Variants in ATXN1 observed in about 807,000 individuals in gnomAD.
ATXN1 encodes ataxin-1.
In ATXN1, 8 loss-of-function variants were observed where a neutral mutation model predicts 56.4. That is an observed-to-expected ratio of 0.14 (90% CI 0.08 to 0.26). The LOEUF (loss-of-function observed/expected upper bound fraction) is 0.26, where lower values mean the gene tolerates loss of function less well. ATXN1 is among the 10% of genes least tolerant of loss of function. The pLI is 1.00. For missense variants in ATXN1, 987 were observed against 1,106.5 expected (o/e 0.89, Z 1.53); for synonymous variants, 514 against 494.6 (o/e 1.04, Z -0.52).
chr6:16,440,648 A>AAAAAAAAAAAAGAAAGAAAG (rs748929817), intron 6 of ATXN1, among the ~76,000 whole-genome samples: 1 of 118,548 alleles, frequency 8.4e-6, no homozygotes, highest in East Asian at 2.6e-4. Context: ...CTTAAAAAAA[A>AAAAAAAAAAAAGAAAGAAAG]AAAAGAAAAG....
At chr6:16,331,409 A>G (rs1760988692) in intron 6 of ATXN1, among the ~76,000 whole-genome samples, 2 of 152,350 alleles carry the variant, frequency 1.3e-5, no homozygotes, top group South Asian at 4.1e-4. Flanking sequence ...ACTCACTCTT[A>G]AGAAAGGGAA....
chr6:16,549,642 A>AATC (rs1484111829), intron 4 of ATXN1, among the ~76,000 whole-genome samples: 5 of 152,160 alleles, frequency 3.3e-5, no homozygotes, highest in African/African-American at 4.8e-5. Context: ...TTACGCCTGT[A>AATC]ATCCCAGCAC....
chr6:16,610,894 G>A (rs1236682221), intron 3 of ATXN1, among the ~76,000 whole-genome samples: 1 of 151,730 alleles, frequency 6.6e-6, no homozygotes, highest in East Asian at 1.9e-4. Context: ...AGCCAGGCGT[G>A]GGGCTGTGTG....
chr6:16,465,683 C>A (rs1760091086), intron 6 of ATXN1, among the ~76,000 whole-genome samples: 1 of 152,040 alleles, frequency 6.6e-6, no homozygotes, highest in African/African-American at 2.4e-5. Flanking sequence ...GAGCCACAAG[C>A]CTCCAGTTCT....
intron 5 of ATXN1, among the ~76,000 whole-genome samples, chr6:16,495,678 C>T (rs1339119096): frequency 2.0e-5 from 3 of 152,100 alleles, no homozygotes; most frequent in African/African-American, 7.2e-5. Context: ...GCCTGGCCAA[C>T]ATGGTGAAAC....
At chr6:16,312,057 A>T (rs1760405904) in intron 7 of ATXN1, among the ~76,000 whole-genome samples, 1 of 152,208 alleles carries the variant, frequency 6.6e-6, no homozygotes, top group Admixed American at 6.5e-5. Context: ...GAGCCACATT[A>T]TACACACTTC....
At chr6:16,475,275 C>T (rs749445449) in intron 6 of ATXN1, among the ~76,000 whole-genome samples, 5 of 152,144 alleles carry the variant, frequency 3.3e-5, no homozygotes, top group East Asian at 1.9e-4. Flanking sequence ...AATACATAAC[C>T]GAATTCACTG....
chr6:16,375,900 A>G (rs1325217217), intron 6 of ATXN1, among the ~76,000 whole-genome samples: 1 of 152,260 alleles, frequency 6.6e-6, no homozygotes, highest in African/African-American at 2.4e-5. Context: ...GAAGTCTGAT[A>G]AAAATGGACT....
intron 6 of ATXN1, among the ~76,000 whole-genome samples, chr6:16,443,913 G>A (rs59466516): frequency 0.052 from 7,855 of 152,106 alleles, 464 homozygotes; most frequent in African/African-American, 0.14. Flanking sequence ...TCAGGAGATC[G>A]AGACCATCCT....
intron 4 of ATXN1, among the ~76,000 whole-genome samples, chr6:16,525,630 T>C (rs1321896566): frequency 3.9e-5 from 6 of 152,116 alleles, no homozygotes; most frequent in African/African-American, 9.7e-5. Context: ...AGAGTGACTA[T>C]AGTCAATAAT....
intron 3 of ATXN1, among the ~76,000 whole-genome samples, chr6:16,610,253 T>C (rs1474690255): frequency 6.8e-6 from 1 of 147,748 alleles, no homozygotes; most frequent in Non-Finnish European, 1.5e-5. Context: ...AAATACAGAG[T>C]AAACCAACCA....
intron 7 of ATXN1, among the ~76,000 whole-genome samples, chr6:16,315,161 G>A (rs1006704943): frequency 6.6e-6 from 1 of 152,190 alleles, no homozygotes; most frequent in South Asian, 2.1e-4. Flanking sequence ...AACTTAAAGT[G>A]ACCTAAAACA....
At chr6:16,689,255 TG>T (rs1206807285) in intron 2 of ATXN1, among the ~76,000 whole-genome samples, 1 of 152,168 alleles carries the variant, frequency 6.6e-6, no homozygotes, top group African/African-American at 2.4e-5. Context: ...TGTATCAAAA[TG>T]GGAAGGAGTG....
intron 5 of ATXN1, among the ~76,000 whole-genome samples, chr6:16,507,257 TG>T (rs1417020504): frequency 1.5e-4 from 23 of 152,212 alleles, no homozygotes; most frequent in African/African-American, 5.3e-4. Context: ...TTCTAATATA[TG>T]GTATTTAGAA....
At chr6:16,623,835 T>C (rs1763361020) in intron 3 of ATXN1, among the ~76,000 whole-genome samples, 1 of 152,228 alleles carries the variant, frequency 6.6e-6, no homozygotes, top group Non-Finnish European at 1.5e-5. Context: ...ACCATTCAAT[T>C]CTGCAGTTTG....
At position 16,439,336 on chromosome 6, in the gene ATXN1, C is replaced by T. The variant is rs1484608291; in HGVS notation, c.-161+46636G>A. Among the ~76,000 whole-genome samples, 5 of 7,088 alleles carry T rather than the reference C, an allele frequency of 7.1e-4. 1 individual carries two copies. The highest frequency in any genetic ancestry group is 1.0e-3 in the Non-Finnish European group (4 of 3,854). 4.7% of individuals were successfully genotyped at this position (7,088 alleles called of 152,430 possible). ...ATTTTCAGAGCTAGAGACTTCTTTT[C>T]GCGGGGGGGGGGGGGGGGGGGGGGC... On this transcript the variant is annotated intron_variant, in intron 6 of 7. Coordinates refer to ENST00000436367, the MANE Select transcript of ATXN1 (RefSeq NM_001128164.2).
intron 6 of ATXN1, among the ~76,000 whole-genome samples, chr6:16,448,575 C>T (rs1759681023): frequency 6.6e-6 from 1 of 152,186 alleles, no homozygotes; most frequent in Non-Finnish European, 1.5e-5. Flanking sequence ...TCTCTTCATC[C>T]TTGCTCAAAC....
intron 1 of ATXN1, among the ~76,000 whole-genome samples, chr6:16,756,837 A>C (rs1760902020): frequency 6.6e-6 from 1 of 152,228 alleles, no homozygotes; most frequent in South Asian, 2.1e-4. Context: ...TTAGTAAAAT[A>C]TGTTTATTGC....
chr6:16,314,928 GT>G (rs1418535321), intron 7 of ATXN1, among the ~76,000 whole-genome samples: 5 of 152,102 alleles, frequency 3.3e-5, no homozygotes, highest in Non-Finnish European at 5.9e-5. Context: ...ATTATTGAGG[GT>G]TCCTAATGAT....
Sources: gnomAD v4.1 joint callset for allele counts (sites outside exome capture counted in the v4.1 genomes callset) on GRCh38, gnomAD v4.1.1 for gene constraint, MANE v1.5 for transcripts, NCBI Gene and HGNC (gene_info 2026-07-23, HGNC 2026-07-21) for gene names.